YIPF6: variants seen among roughly 807,000 people sequenced by gnomAD.
The protein encoded by YIPF6 is protein YIPF6.
In YIPF6, 3 loss-of-function variants were observed where a neutral mutation model predicts 16.8. That is an observed-to-expected ratio of 0.18 (90% confidence interval 0.08 to 0.46). The LOEUF is 0.46. YIPF6 is among the 20% of genes least tolerant of loss of function. The pLI, the probability that YIPF6 is intolerant of heterozygous loss-of-function variation, is 0.98. For missense variants in YIPF6, 145 were observed against 184.9 expected (o/e 0.78, Z 1.25); for synonymous variants, 67 against 61.9 (o/e 1.08, Z -0.38).
intron 4 of YIPF6, 99 bp downstream of exon 4, chrX:68,518,911 G>C: frequency 1.2e-6 from 1 of 826,935 alleles, no homozygotes; most frequent in South Asian, 2.9e-5. Context: ...ATTTCATTTA[G>C]GACTTATATG....
At position 68,533,788 on chromosome X, in the gene YIPF6, A is replaced by G. The variant is rs2079180880; in HGVS notation, c.*1789A>G. On this transcript the variant is annotated 3_prime_UTR_variant, in exon 7 of 7. Coordinates refer to ENST00000462683, the MANE Select transcript of YIPF6 (RefSeq NM_173834.4). ...CTTTGGAACTGATCCTCATTTTGAA[A>G]TTGGTTCTAAATTATTATCCATTTC... 1 of 112,406 alleles carries G rather than the reference A, an allele frequency of 8.9e-6. No individual in the cohort carries two copies. 9.3% of individuals were successfully genotyped at this position (112,406 alleles called of 1,213,427 possible). A position where few individuals can be genotyped will look rare whatever the true frequency, so the allele number is the denominator to read the frequency against.
rs999061519 is a variant in YIPF6, at chrX:68,534,554, G to A, written c.*2555G>A. 1 of 110,942 alleles carries A rather than the reference G, an allele frequency of 9.0e-6. No individual in the cohort carries two copies. Among genetic ancestry groups the A allele is most frequent in the South Asian group, 3.8e-4 (1 of 2,639 alleles). The allele number at this position is 110,942 out of a possible 1,213,427, so 9.1% of individuals were successfully genotyped here. A position where few individuals can be genotyped will look rare whatever the true frequency, so the allele number is the denominator to read the frequency against. On this transcript the variant is annotated 3_prime_UTR_variant, in exon 7 of 7. Transcript: ENST00000462683. ...AAAGAGAATGTTTATGTAAATTAGCGCTGGCAATTTTTTTTTTTCTAAACA... is the reference window on the plus strand; with the variant it reads ...AAAGAGAATGTTTATGTAAATTAGCACTGGCAATTTTTTTTTTTCTAAACA...
Position 68,532,702 on chromosome X carries a change from C to A in YIPF6, c.*703C>A, listed in dbSNP as rs1428582510. ...ATGTTTAACAGCATCTTGGTTGGCA[C>A]TCTAGTCTTAATCTTGCTCCTTAAC... On this transcript the variant is annotated 3_prime_UTR_variant, in exon 7 of 7. Coordinates refer to ENST00000462683, the MANE Select transcript of YIPF6 (RefSeq NM_173834.4). The A allele has an allele frequency of 9.0e-6, 1 of 111,014 alleles. No homozygotes were observed. The highest frequency in any genetic ancestry group is 1.9e-5 in the Non-Finnish European group (1 of 53,042). The allele number at this position is 111,014 out of a possible 1,213,427, so 9.1% of individuals were successfully genotyped here.
Position 68,521,627 on chromosome X carries a change from G to T in YIPF6, c.434+130G>T, listed in dbSNP as rs887146067. The T allele has an allele frequency of 1.5e-5, 10 of 686,324 alleles. No homozygotes were observed. The African/African-American group carries it at 2.0e-4, about 14-fold the overall frequency. The allele number at this position is 686,324 out of a possible 1,213,427, so 56.6% of individuals were successfully genotyped here. A position where few individuals can be genotyped will look rare whatever the true frequency, so the allele number is the denominator to read the frequency against. On this transcript the variant is annotated intron_variant, in intron 5 of 6. Coordinates refer to ENST00000462683, the MANE Select transcript of YIPF6 (RefSeq NM_173834.4). ...GTCACTCTGTCACCCAGGCTCGAGTGCATTGGTGTGATCATGGCTTACTGC... is the reference window on the plus strand; with the variant it reads ...GTCACTCTGTCACCCAGGCTCGAGTTCATTGGTGTGATCATGGCTTACTGC...
intron 6 of YIPF6, among the ~76,000 whole-genome samples, chrX:68,524,767 G>A (rs920285412): frequency 1.8e-5 from 2 of 110,222 alleles, no homozygotes; most frequent in African/African-American, 3.3e-5. Context: ...GTGAGAACAT[G>A]TGGTGTTTGG....
In YIPF6 at chrX:68,534,532, G is replaced by A. The variant is rs2079184216; in HGVS notation, c.*2533G>A. ...CAGTTAGATTTGCTTAAGCCTCAAA[G>A]AGAATGTTTATGTAAATTAGCGCTG... On this transcript the variant is annotated 3_prime_UTR_variant, in exon 7 of 7. Coordinates refer to ENST00000462683, the MANE Select transcript of YIPF6 (RefSeq NM_173834.4). 9.0e-6 allele frequency: 1 copy of A among 111,159 alleles called. No individual in the cohort carries two copies. The highest frequency in any genetic ancestry group is 1.9e-5 in the Non-Finnish European group (1 of 53,081). 9.2% of individuals were successfully genotyped at this position (111,159 alleles called of 1,213,427 possible).
rs976005243 is a variant in YIPF6, at chrX:68,537,082, A to G, written c.*5083A>G. The stretch of plus-strand genomic sequence containing the variant: ...AAGTCAAGTGTTCTGCCTGGTGGGA[A>G]GTGGCCACACGCTGCACTGCGCTGC... On this transcript the variant is annotated 3_prime_UTR_variant, in exon 7 of 7. Transcript: ENST00000462683. 8.9e-6 allele frequency: 1 copy of G among 112,001 alleles called. No homozygotes were observed. Among genetic ancestry groups the G allele is most frequent in the Non-Finnish European group, 1.9e-5 (1 of 53,187 alleles). The allele number at this position is 112,001 out of a possible 1,213,427, so 9.2% of individuals were successfully genotyped here. A position where few individuals can be genotyped will look rare whatever the true frequency, so the allele number is the denominator to read the frequency against.
chrX:68,499,215 A>C, intron 1 of YIPF6, 92 bp downstream of exon 1: 8 of 1,061,868 alleles, frequency 7.5e-6, no homozygotes, highest in Non-Finnish European at 1.0e-5. Context: ...TGAGAGCCGG[A>C]GCTCCTTCCG....
At chrX:68,517,921 G>A (rs2079109638) in intron 3 of YIPF6, among the ~76,000 whole-genome samples, 1 of 104,338 alleles carries the variant, frequency 9.6e-6, no homozygotes. Context: ...AGCCATGATC[G>A]CACCACTGCA....
chrX:68,520,531 G>A (rs1281606834), intron 4 of YIPF6, among the ~76,000 whole-genome samples: 1 of 111,683 alleles, frequency 9.0e-6, no homozygotes, highest in Non-Finnish European at 1.9e-5. Context: ...TGAGTTGGTG[G>A]TGTGATTACA....
chrX:68,506,248 A>C (rs1029215350), intron 1 of YIPF6, among the ~76,000 whole-genome samples: 2 of 111,137 alleles, frequency 1.8e-5, no homozygotes, highest in East Asian at 5.6e-4. Flanking sequence ...TTTCAAAAAA[A>C]AAAAGAAAAG....
chrX:68,536,995 T>C lies in YIPF6; in HGVS notation c.*4996T>C, dbSNP rs755516817. On this transcript the variant is annotated 3_prime_UTR_variant, in exon 7 of 7. Coordinates refer to ENST00000462683, the MANE Select transcript of YIPF6 (RefSeq NM_173834.4). ...AGCAGTAGTGTGAGAATAGAATGCC[T>C]TTCTATTTGGGTTAAACTATGTGGG... 4.6e-4 allele frequency: 51 copies of C among 111,908 alleles called. No homozygotes were observed. Among genetic ancestry groups the C allele is most frequent in the African/African-American group, 1.7e-3 (51 of 30,839 alleles). The allele number at this position is 111,908 out of a possible 1,213,427, so 9.2% of individuals were successfully genotyped here.
rs2079185722 is a variant in YIPF6, at chrX:68,534,918, AG to A, written c.*2920del. The A allele has an allele frequency of 3.6e-5, 4 of 112,383 alleles. No individual in the cohort carries two copies. In the East Asian group the frequency reaches 1.1e-3, roughly 31 times the overall value. The allele number at this position is 112,383 out of a possible 1,213,427, so 9.3% of individuals were successfully genotyped here. Reference sequence around the variant, plus strand: ...AATGTGGTGCATCATTGCCATCATGAGTAATCACTTGCTGCTCCTACTTCTG... The same window carrying A: ...AATGTGGTGCATCATTGCCATCATGATAATCACTTGCTGCTCCTACTTCTG... On this transcript the variant is annotated 3_prime_UTR_variant, in exon 7 of 7. Transcript: ENST00000462683.
At chrX:68,515,656 A>C (rs1338139561) in intron 3 of YIPF6, among the ~76,000 whole-genome samples, 1 of 106,714 alleles carries the variant, frequency 9.4e-6, no homozygotes, top group Non-Finnish European at 1.9e-5. Context: ...CCTGCCTGAG[A>C]CTGTGTTATG....
chrX:68,526,119 A>G (rs2079146776), intron 6 of YIPF6, among the ~76,000 whole-genome samples: 1 of 112,043 alleles, frequency 8.9e-6, no homozygotes, highest in South Asian at 3.8e-4. Context: ...ATCCATCAGC[A>G]TGGAATGTTT....
At chrX:68,528,371 G>A (rs966491839) in intron 6 of YIPF6, among the ~76,000 whole-genome samples, 2 of 111,384 alleles carry the variant, frequency 1.8e-5, no homozygotes, top group Non-Finnish European at 3.8e-5. Context: ...GAGCTTATAT[G>A]TGTCTTTGCA....
chrX:68,519,438 A>C (rs193217639), intron 4 of YIPF6, among the ~76,000 whole-genome samples: 6 of 112,064 alleles, frequency 5.4e-5, no homozygotes, highest in African/African-American at 1.9e-4. Context: ...CCCAGTTTGC[A>C]GAAAACTTTA....
At chrX:68,503,869 C>T (rs1166140214) in intron 1 of YIPF6, among the ~76,000 whole-genome samples, 1 of 112,222 alleles carries the variant, frequency 8.9e-6, no homozygotes, top group Non-Finnish European at 1.9e-5. Context: ...CAGGTACATG[C>T]CACCATGCCC....
intron 1 of YIPF6, among the ~76,000 whole-genome samples, chrX:68,508,491 C>G (rs1187542326): frequency 1.8e-5 from 2 of 111,767 alleles, no homozygotes; most frequent in Non-Finnish European, 3.8e-5. Context: ...CCCATAGTTC[C>G]TAGATACTCT....
Sources: allele counts gnomAD v4.1 joint callset (sites outside exome capture counted in the v4.1 genomes callset), GRCh38; gene constraint gnomAD v4.1.1; transcripts MANE v1.5; gene names NCBI Gene and HGNC (gene_info 2026-07-23, HGNC 2026-07-21).